Variants in LCK observed in about 807,000 individuals in gnomAD.
LCK encodes the protein LCK proto-oncogene, Src family tyrosine kinase.
Under a neutral mutation model 64.6 loss-of-function variants are expected in LCK, and 14 were observed. That is an observed-to-expected ratio of 0.22 (90% CI 0.14 to 0.34). LCK has a LOEUF of 0.34. LCK is among the 10% of genes least tolerant of loss of function. LCK has a pLI of 1.00. For missense variants in LCK, 434 were observed against 668.1 expected, an observed-to-expected ratio of 0.65 and a Z score of 3.86; for synonymous variants, 277 against 263.6, an observed-to-expected ratio of 1.05 and a Z score of -0.49.
At chr1:32,259,730 AGCCCGGGAGGTCGAG>A (rs1639721638) in intron 1 of LCK, among the ~76,000 whole-genome samples, 1 of 152,000 alleles carries the variant, frequency 6.6e-6, no homozygotes, top group African/African-American at 2.4e-5. Context: ...GGATTGCTTG[AGCCCGGGAGGTCGAG>A]GCTTCAGTGA....
At chr1:32,258,119 CA>C (rs1255932120) in intron 1 of LCK, among the ~76,000 whole-genome samples, 1 of 151,370 alleles carries the variant, frequency 6.6e-6, no homozygotes, top group Non-Finnish European at 1.5e-5. Flanking sequence ...CCCGTCTCTA[CA>C]AAAAATAAAA....
intron 1 of LCK, among the ~76,000 whole-genome samples, chr1:32,259,499 A>T (rs1049628114): frequency 1.4e-4 from 21 of 150,842 alleles, no homozygotes; most frequent in Middle Eastern, 3.4e-3. Flanking sequence ...ACACGCCTGT[A>T]GTCCCAGCTC....
At position 32,276,557 on chromosome 1, in the gene LCK, C is replaced by T; in HGVS notation, c.785-50C>T. 1.9e-6 allele frequency: 3 copies of T among 1,585,156 alleles called. No homozygotes were observed. The highest frequency in any genetic ancestry group is 2.2e-5 in the East Asian group (1 of 44,492). ...AGGGGCCGCTGAGGTGATGAGAGTCCCAGGACAGCTGCCTGGCGACTTTCC... is the reference window on the plus strand; with the variant it reads ...AGGGGCCGCTGAGGTGATGAGAGTCTCAGGACAGCTGCCTGGCGACTTTCC... On this transcript the variant is annotated intron_variant, in intron 8 of 12. Coordinates refer to ENST00000336890, the MANE Select transcript of LCK (RefSeq NM_005356.5). The surrounding 1 kb of genome is among the most constrained non-coding windows in gnomAD (Gnocchi z 4.6).
intron 1 of LCK, among the ~76,000 whole-genome samples, chr1:32,271,477 G>T (rs1269064169): frequency 6.6e-6 from 1 of 152,100 alleles, no homozygotes; most frequent in African/African-American, 2.4e-5. Flanking sequence ...AAGAATTTGA[G>T]ACCAGTCCGG....
At chr1:32,265,701 T>C (rs372608980) in intron 1 of LCK, among the ~76,000 whole-genome samples, 20 of 152,140 alleles carry the variant, frequency 1.3e-4, no homozygotes, top group African/African-American at 4.6e-4. Context: ...CCTCCCCACC[T>C]GACCCCAGCC....
At chr1:32,253,531 C>T (rs1030840535) in intron 1 of LCK, among the ~76,000 whole-genome samples, 9 of 152,174 alleles carry the variant, frequency 5.9e-5, no homozygotes, top group East Asian at 1.9e-4. Context: ...ATCCGCCCAC[C>T]TCGGCCCCCC....
rs767064344 is a variant in LCK, at chr1:32,279,765, G to T, written c.1041+18G>T. On this transcript the variant is annotated intron_variant, in intron 10 of 12. Coordinates refer to ENST00000336890, the MANE Select transcript of LCK (RefSeq NM_005356.5). ...CAGCCCAAGTAAGGAGACTGGGGAGGGGGGCTGGGCAAGGGAACAGACCAG... is the reference window on the plus strand; with the variant it reads ...CAGCCCAAGTAAGGAGACTGGGGAGTGGGGCTGGGCAAGGGAACAGACCAG... The T allele has an allele frequency of 2.5e-6, 4 of 1,609,526 alleles. No homozygotes were observed. The highest frequency in any genetic ancestry group is 3.4e-6 in the Non-Finnish European group (4 of 1,176,234).
chr1:32,252,895 A>AC (rs1639542356), intron 1 of LCK, among the ~76,000 whole-genome samples: 1 of 151,932 alleles, frequency 6.6e-6, no homozygotes, highest in African/African-American at 2.4e-5. Flanking sequence ...TTCCTTGGGT[A>AC]CCACGAGGGC....
At chr1:32,257,494 G>A in intron 1 of LCK, among the ~76,000 whole-genome samples, 1 of 151,942 alleles carries the variant, frequency 6.6e-6, no homozygotes. Context: ...TCACGTATCT[G>A]TCTGCCCACC....
intron 1 of LCK, among the ~76,000 whole-genome samples, chr1:32,264,908 A>T (rs1639871338): frequency 6.6e-6 from 1 of 152,074 alleles, no homozygotes; most frequent in Admixed American, 6.6e-5. Context: ...TCAAGTTTAC[A>T]TTTTAATCAA....
chr1:32,263,775 G>A (rs147907005), intron 1 of LCK, among the ~76,000 whole-genome samples: 4 of 152,246 alleles, frequency 2.6e-5, no homozygotes, highest in East Asian at 1.9e-4. Context: ...GTCAGGCTTG[G>A]TGGCATGGGC....
intron 1 of LCK, among the ~76,000 whole-genome samples, chr1:32,261,285 TG>T (rs2124316235): frequency 7.1e-6 from 1 of 141,418 alleles, no homozygotes; most frequent in East Asian, 2.2e-4. Flanking sequence ...TCTCACTCCA[TG>T]GACCAGGCTG....
rs1350462006 is a variant in LCK, at chr1:32,285,577, A to G, written c.1391A>G (p.Asn464Ser). Residue 464 changes from asparagine to serine, a missense_variant, in exon 13 of 13, where the codon AAC (asparagine) becomes AGC (serine). Around this residue, in one of 2 missense-constraint regions of LCK, gnomAD observed 201 missense variants for 376.9 expected, o/e 0.53. Transcript: ENST00000336890. ...ERGYRMVRPD[N>S]CPEELYQLMR... ...GGCTACCGCATGGTGCGCCCTGACAACTGTCCAGAGGAGCTGTACCAACTC... is the reference window on the plus strand; with the variant it reads ...GGCTACCGCATGGTGCGCCCTGACAGCTGTCCAGAGGAGCTGTACCAACTC... 4 of 1,614,208 alleles carry G rather than the reference A, an allele frequency of 2.5e-6. No individual in the cohort carries two copies. The highest frequency in any genetic ancestry group is 3.3e-4 in the Middle Eastern group (2 of 6,062).
At chr1:32,278,641 T>C (rs553475722) in intron 9 of LCK, among the ~76,000 whole-genome samples, 1 of 152,260 alleles carries the variant, frequency 6.6e-6, no homozygotes, top group South Asian at 2.1e-4. Flanking sequence ...GCCCAGCCTA[T>C]CATGTGTATC....
chr1:32,261,186 C>T (rs939315676), intron 1 of LCK, among the ~76,000 whole-genome samples: 4 of 151,752 alleles, frequency 2.6e-5, no homozygotes, highest in Admixed American at 6.6e-5. Flanking sequence ...CCACTTCAGC[C>T]TCCTGGGTAG....
intron 12 of LCK, among the ~76,000 whole-genome samples, chr1:32,284,515 G>T (rs992849421): frequency 1.3e-5 from 2 of 151,592 alleles, no homozygotes; most frequent in South Asian, 2.1e-4. Context: ...GACTACAGGC[G>T]CATACCACCA....
chr1:32,278,267 G>A (rs1197075725), intron 9 of LCK, among the ~76,000 whole-genome samples: 1 of 152,258 alleles, frequency 6.6e-6, no homozygotes, highest in Non-Finnish European at 1.5e-5. Flanking sequence ...CTTTGGGAGT[G>A]TAAGATCTAT....
At chr1:32,282,666 C>A (rs908040255) in intron 12 of LCK, among the ~76,000 whole-genome samples, 1 of 151,712 alleles carries the variant, frequency 6.6e-6, no homozygotes, top group Admixed American at 6.6e-5. Context: ...ATTAGCCAGG[C>A]GTGGTGTTGG....
chr1:32,270,924 G>C (rs948675066), intron 1 of LCK, among the ~76,000 whole-genome samples: 10 of 149,764 alleles, frequency 6.7e-5, no homozygotes, highest in African/African-American at 2.0e-4. Context: ...GGATGGTCTC[G>C]ATCCCTTAAT....
Sources: gnomAD v4.1 joint callset for allele counts (sites outside exome capture counted in the v4.1 genomes callset) on GRCh38, gnomAD v4.1.1 for gene constraint, gnomAD v4.1.1 regional missense constraint, Gnocchi (gnomAD v3.1) non-coding constraint, MANE v1.5 for transcripts, NCBI Gene and HGNC (gene_info 2026-07-23, HGNC 2026-07-21) for gene names.